The following HSF1 variants were observed in gnomAD, a reference collection of about 807,000 sequenced individuals.
HSF1 encodes the protein heat shock factor protein 1.
In HSF1, 32 loss-of-function variants were observed where a neutral mutation model predicts 51.7. The ratio of observed to expected loss-of-function variants is 0.62; its 90% CI spans 0.47 to 0.83. The LOEUF (loss-of-function observed/expected upper bound fraction) is 0.83, where lower values mean the gene tolerates loss of function less well. Ranked by LOEUF, HSF1 falls within the 40% of genes least tolerant of loss-of-function variation. HSF1 has a pLI of 0.00. For synonymous variants in HSF1, 396 were observed against 309.7 expected (o/e 1.28, Z -2.92); for missense variants, 727 against 717.0 (o/e 1.01, Z -0.16).
At chr8:144,303,862 C>T (rs557262393) in intron 1 of HSF1, among the ~76,000 whole-genome samples, 2 of 152,014 alleles carry the variant, frequency 1.3e-5, no homozygotes, top group East Asian at 1.9e-4. Flanking sequence ...TGGGCGACAG[C>T]GAGACTCCAT....
At chr8:144,305,683 T>C (rs1486678329) in intron 1 of HSF1, among the ~76,000 whole-genome samples, 1 of 151,960 alleles carries the variant, frequency 6.6e-6, no homozygotes, top group Non-Finnish European at 1.5e-5. Context: ...GCTGACTCCT[T>C]CTTCTCCTAG....
At chr8:144,312,473 T>G in intron 9 of HSF1, 1 of 746,112 alleles carries the variant, frequency 1.3e-6, no homozygotes, top group African/African-American at 1.7e-5. Flanking sequence ...GGCCCTGCTC[T>G]CAGCCACCCG....
chr8:144,311,018 C>T, intron 4 of HSF1, 156 bp from the exon 5 acceptor site: 2 of 677,494 alleles, frequency 3.0e-6, no homozygotes, highest in South Asian at 1.9e-5. Flanking sequence ...GGCCCCCAGT[C>T]CCTCCACACA....
At chr8:144,312,557 G>A in intron 9 of HSF1, 3 of 1,316,322 alleles carry the variant, frequency 2.3e-6, no homozygotes, top group South Asian at 2.5e-5. Context: ...GGCAGGAGAT[G>A]GTGAGCAGGG....
chr8:144,307,864 C>T (rs571588596), intron 1 of HSF1, among the ~76,000 whole-genome samples: 1 of 152,204 alleles, frequency 6.6e-6, no homozygotes, highest in African/African-American at 2.4e-5. Context: ...GCTCCCCGTG[C>T]TACTGTAATT....
At chr8:144,310,042 C>G in intron 4 of HSF1, 146 bp downstream of exon 4, 1 of 983,276 alleles carries the variant, frequency 1.0e-6, no homozygotes, top group Non-Finnish European at 1.5e-6. Context: ...GGCCTCTGCC[C>G]CAGCCCCGCC....
rs1554843772 is a variant in HSF1, at chr8:144,308,995, C to T, written c.207C>T (p.Phe69=). The T allele has an allele frequency of 3.1e-6, 5 of 1,613,770 alleles. No individual in the cohort carries two copies. Among genetic ancestry groups the T allele is most frequent in the Middle Eastern group, 1.6e-4 (1 of 6,062 alleles). ...TCAAGCACAACAACATGGCCAGCTTCGTGCGGCAGCTCAACATGTGTGAGT... is the reference window on the plus strand; with the variant it reads ...TCAAGCACAACAACATGGCCAGCTTTGTGCGGCAGCTCAACATGTGTGAGT... ...KYFKHNNMAS[F]VRQLNMYGFR... The change falls in exon 2 of 13, where the codon TTC becomes TTT. Residue 69 remains phenylalanine (F), a synonymous_variant. Transcript: ENST00000528838.
At chr8:144,293,104 G>A (rs1383152359) in intron 1 of HSF1, among the ~76,000 whole-genome samples, 4 of 152,378 alleles carry the variant, frequency 2.6e-5, no homozygotes, top group Non-Finnish European at 4.4e-5. Flanking sequence ...CATTTGCACA[G>A]CCTCTTTATG....
intron 9 of HSF1, chr8:144,313,123 G>T (rs1816799018): frequency 5.1e-6 from 2 of 388,590 alleles, no homozygotes; most frequent in Admixed American, 4.0e-5. Context: ...AGCAGCACCA[G>T]GGCAGGGACT....
At chr8:144,295,148 C>G (rs1311927837) in intron 1 of HSF1, among the ~76,000 whole-genome samples, 1 of 152,250 alleles carries the variant, frequency 6.6e-6, no homozygotes. Context: ...AGCAGCTCCT[C>G]TGTCCACCAG....
intron 9 of HSF1, chr8:144,312,486 C>G (rs1343163436): frequency 2.5e-6 from 2 of 796,214 alleles, no homozygotes; most frequent in Non-Finnish European, 4.1e-6. Context: ...GCCACCCGTC[C>G]TGCTGCCGCC....
chr8:144,307,575 C>A (rs1156748853), intron 1 of HSF1, among the ~76,000 whole-genome samples: 1 of 152,184 alleles, frequency 6.6e-6, no homozygotes, highest in Non-Finnish European at 1.5e-5. Flanking sequence ...CCCCATCTCT[C>A]CTAAAAATAC....
At chr8:144,294,671 C>A (rs1378984680) in intron 1 of HSF1, among the ~76,000 whole-genome samples, 1 of 152,254 alleles carries the variant, frequency 6.6e-6, no homozygotes, top group Non-Finnish European at 1.5e-5. Context: ...CCACTGCAGC[C>A]ACTGGAGGCA....
chr8:144,313,958 G>A (rs1459474703), intron 11 of HSF1, 27 bp from the exon 12 acceptor site: 4 of 1,610,718 alleles, frequency 2.5e-6, no homozygotes, highest in East Asian at 2.2e-5. Flanking sequence ...CAGCGGGAGT[G>A]CTCACAATAC....
In HSF1 at chr8:144,313,628, CCCG is replaced by C; in HGVS notation, c.1248+18_1248+20del. Reference sequence around the variant, plus strand: ...GTGCCCTGCTGGACGTGAGTGGAGCCCCGCCGCCCCGCCTCCCCGCCCCGCCTC... The same window carrying C: ...GTGCCCTGCTGGACGTGAGTGGAGCCCCGCCCCGCCTCCCCGCCCCGCCTC... On this transcript the variant is annotated intron_variant, in intron 10 of 12. Coordinates refer to ENST00000528838, the MANE Select transcript of HSF1 (RefSeq NM_005526.4). The C allele has an allele frequency of 1.2e-6, 1 of 849,060 alleles. No homozygotes were observed. The highest frequency in any genetic ancestry group is 1.7e-6 in the Non-Finnish European group (1 of 598,102). 52.6% of individuals were successfully genotyped at this position (849,060 alleles called of 1,614,324 possible).
intron 1 of HSF1, among the ~76,000 whole-genome samples, chr8:144,292,324 G>A (rs1246594054): frequency 6.6e-6 from 1 of 152,262 alleles, no homozygotes. Flanking sequence ...AGTGGAGGGC[G>A]TTGCTGTAGT....
intron 8 of HSF1, 56 bp downstream of exon 8, chr8:144,311,892 G>A: frequency 1.9e-6 from 3 of 1,583,336 alleles, no homozygotes; most frequent in Admixed American, 3.4e-5. Flanking sequence ...GCCCCTGTGG[G>A]CCCAGGGCAG....
At chr8:144,299,446 A>AT (rs1327603582) in intron 1 of HSF1, among the ~76,000 whole-genome samples, 1 of 151,334 alleles carries the variant, frequency 6.6e-6, no homozygotes, top group Admixed American at 6.6e-5. Context: ...AAAAAAAAAA[A>AT]AAAAAATTCA....
chr8:144,303,094 C>A (rs1015802142), intron 1 of HSF1, among the ~76,000 whole-genome samples: 2 of 152,042 alleles, frequency 1.3e-5, no homozygotes, highest in African/African-American at 4.8e-5. Context: ...TACCACACGG[C>A]CAGCAGTTCT....
Sources: gnomAD v4.1 joint callset for allele counts (sites outside exome capture counted in the v4.1 genomes callset) on GRCh38, gnomAD v4.1.1 for gene constraint, MANE v1.5 for transcripts, NCBI Gene and HGNC (gene_info 2026-07-23, HGNC 2026-07-21) for gene names.